Variants in SAMD12 observed in about 807,000 individuals in gnomAD.
The protein encoded by SAMD12 is sterile alpha motif domain containing 12.
A neutral mutation model predicts 15.0 loss-of-function variants in SAMD12; 9 were observed. That is an observed-to-expected ratio of 0.60 (90% CI 0.36 to 1.05). The LOEUF is 1.05. SAMD12 is among the 50% of genes least tolerant of loss of function. The probability of loss-of-function intolerance (pLI) is 0.01; values close to 1 mark genes in which losing one functional copy is unlikely to be tolerated. For missense variants in SAMD12, 230 were observed against 234.2 expected (o/e 0.98, Z 0.12); for synonymous variants, 86 against 90.1 (o/e 0.96, Z 0.25).
intron 2 of SAMD12, among the ~76,000 whole-genome samples, chr8:118,443,395 T>C (rs1272576988): frequency 6.6e-6 from 1 of 151,976 alleles, no homozygotes; most frequent in Non-Finnish European, 1.5e-5. Context: ...GAGGTGGAGA[T>C]TGCCTTGAGC....
chr8:118,448,572 C>T (rs928505873), intron 2 of SAMD12, among the ~76,000 whole-genome samples: 8 of 152,186 alleles, frequency 5.3e-5, no homozygotes, highest in African/African-American at 1.9e-4. Context: ...GGTTCAGGTC[C>T]CAGCTGCGCT....
intron 3 of SAMD12, among the ~76,000 whole-genome samples, chr8:118,387,285 G>A (rs747033): frequency 0.051 from 7,698 of 152,232 alleles, 645 homozygotes; most frequent in African/African-American, 0.17. Context: ...CTGAGTCTTA[G>A]TTTACTCATC....
intron 2 of SAMD12, among the ~76,000 whole-genome samples, chr8:118,504,233 A>G (rs746938068): frequency 1.3e-5 from 2 of 151,900 alleles, no homozygotes; most frequent in Non-Finnish European, 2.9e-5. Flanking sequence ...AACACATCCA[A>G]CTCCTCTCTG....
intron 4 of SAMD12, among the ~76,000 whole-genome samples, chr8:118,234,814 T>A (rs1427644728): frequency 6.6e-6 from 1 of 151,870 alleles, no homozygotes; most frequent in African/African-American, 2.4e-5. Context: ...AAGTAAGTCA[T>A]AATAAAATTT....
At chr8:118,337,065 A>C (rs1817116402) in intron 4 of SAMD12, among the ~76,000 whole-genome samples, 1 of 152,138 alleles carries the variant, frequency 6.6e-6, no homozygotes. Context: ...AATGTAAATG[A>C]TGAGTTAATG....
intron 3 of SAMD12, among the ~76,000 whole-genome samples, chr8:118,438,154 A>C (rs1333093920): frequency 1.3e-5 from 2 of 152,192 alleles, no homozygotes. Context: ...AATCGAAGCT[A>C]AGTACCCACA....
At chr8:118,615,914 T>C (rs1828227772) in intron 1 of SAMD12, among the ~76,000 whole-genome samples, 1 of 152,208 alleles carries the variant, frequency 6.6e-6, no homozygotes, top group Non-Finnish European at 1.5e-5. Flanking sequence ...TGGCAGGAAC[T>C]GCTGCCACAG....
the SAMD12 span, among the ~76,000 whole-genome samples, chr8:118,169,489 T>C: frequency 6.6e-6 from 1 of 152,246 alleles, no homozygotes; most frequent in Non-Finnish European, 1.5e-5. Context: ...GCTACATTTC[T>C]TTGTTCCTGT....
chr8:118,552,662 T>C (rs1242505786), intron 2 of SAMD12, among the ~76,000 whole-genome samples: 2 of 152,194 alleles, frequency 1.3e-5, no homozygotes, highest in South Asian at 2.1e-4. Context: ...TTCAATGTAG[T>C]GTTGGAAGTT....
At chr8:118,137,067 C>G in the SAMD12 span, among the ~76,000 whole-genome samples, 4 of 152,308 alleles carry the variant, frequency 2.6e-5, no homozygotes, top group African/African-American at 9.6e-5. Flanking sequence ...AATGAAAGCA[C>G]ACTCCACAGA....
chr8:118,564,183 T>TC (rs1032820815), intron 2 of SAMD12, among the ~76,000 whole-genome samples: 6 of 149,336 alleles, frequency 4.0e-5, no homozygotes, highest in African/African-American at 7.4e-5. Context: ...AGATTACCCA[T>TC]CCCCCCCTCA....
chr8:118,416,105 C>T (rs2130827876), intron 3 of SAMD12, among the ~76,000 whole-genome samples: 1 of 152,192 alleles, frequency 6.6e-6, no homozygotes, highest in African/African-American at 2.4e-5. Context: ...ATTAGGGAAG[C>T]TGGGTTCCAA....
At chr8:118,454,821 T>C (rs1425324933) in intron 2 of SAMD12, among the ~76,000 whole-genome samples, 2 of 152,162 alleles carry the variant, frequency 1.3e-5, no homozygotes, top group African/African-American at 4.8e-5. Context: ...CCTCTGGCAA[T>C]TACCATTCTA....
intron 4 of SAMD12, among the ~76,000 whole-genome samples, chr8:118,297,489 A>C (rs1372914887): frequency 6.6e-6 from 1 of 152,224 alleles, no homozygotes; most frequent in African/African-American, 2.4e-5. Context: ...ACATTGGATA[A>C]ACATACTTTG....
intron 2 of SAMD12, among the ~76,000 whole-genome samples, chr8:118,578,127 C>G (rs1308357013): frequency 6.6e-6 from 1 of 152,128 alleles, no homozygotes; most frequent in Non-Finnish European, 1.5e-5. Flanking sequence ...ACAATATCTA[C>G]TATGTCATAA....
chr8:118,391,430 C>T (rs767179131), intron 3 of SAMD12, among the ~76,000 whole-genome samples: 3 of 152,154 alleles, frequency 2.0e-5, no homozygotes, highest in Non-Finnish European at 4.4e-5. Context: ...ATCCACTGGG[C>T]ATTAGACATC....
chr8:118,480,864 C>T (rs1008231808), intron 2 of SAMD12, among the ~76,000 whole-genome samples: 8 of 152,206 alleles, frequency 5.3e-5, no homozygotes, highest in Non-Finnish European at 1.2e-4. Context: ...ATACAATTCC[C>T]TCTATCTGCC....
intron 4 of SAMD12, among the ~76,000 whole-genome samples, chr8:118,234,946 A>G (rs1329260876): frequency 6.6e-6 from 1 of 152,072 alleles, no homozygotes; most frequent in Non-Finnish European, 1.5e-5. Flanking sequence ...TTCTTACATA[A>G]ATACTCTCAA....
intron 2 of SAMD12, among the ~76,000 whole-genome samples, chr8:118,522,247 A>C (rs766735957): frequency 6.6e-6 from 1 of 152,050 alleles, no homozygotes. Context: ...CGAGAGCAAG[A>C]GATAGGATGA....
Sources: allele counts gnomAD v4.1 joint callset (sites outside exome capture counted in the v4.1 genomes callset), GRCh38; gene constraint gnomAD v4.1.1; transcripts MANE v1.5; gene names NCBI Gene and HGNC (gene_info 2026-07-23, HGNC 2026-07-21).